The following SIAH3 variants were observed in gnomAD, a reference collection of about 807,000 sequenced individuals.
SIAH3 encodes siah E3 ubiquitin protein ligase family member 3.
Under a neutral mutation model 12.6 loss-of-function variants are expected in SIAH3, and 9 were observed. The ratio of observed to expected loss-of-function variants is 0.72; its 90% CI spans 0.43 to 1.25. The LOEUF is 1.25. Among genes scored for constraint, SIAH3 ranks in the 50% most tolerant of loss-of-function variants. The probability of loss-of-function intolerance (pLI) is 0.00; values close to 1 mark genes in which losing one functional copy is unlikely to be tolerated. For synonymous variants in SIAH3, 154 were observed against 151.1 expected, an observed-to-expected ratio of 1.02 and a Z score of -0.14; for missense variants, 390 against 365.4, an observed-to-expected ratio of 1.07 and a Z score of -0.55.
At chr13:45,789,809 AC>A (rs1398300722) in intron 1 of SIAH3, among the ~76,000 whole-genome samples, 1 of 152,202 alleles carries the variant, frequency 6.6e-6, no homozygotes, top group Non-Finnish European at 1.5e-5. Flanking sequence ...AAAAGTCCAT[AC>A]CTGAGCTAAT....
rs58735572 is a variant in SIAH3 at position 45,822,556 on chromosome 13, T to TATATATATATATATA, written c.135+28938_135+28939insTATATATATATATAT. On this transcript the variant is annotated intron_variant, in intron 1 of 1. Transcript: ENST00000400405. ...ATATATATATATATATATATATATA[T>TATATATATATATATA]TAGACTAGGGAACAGGCAAAAATGG... Among the ~76,000 whole-genome samples the TATATATATATATATA allele has an allele frequency of 4.1e-3, 560 of 136,672 alleles. 2 individuals carry two copies. Among genetic ancestry groups the TATATATATATATATA allele is most frequent in the Non-Finnish European group, 4.8e-3 (304 of 63,328 alleles). 89.7% of individuals were successfully genotyped at this position (136,672 alleles called of 152,430 possible).
rs183838539 is a variant in SIAH3, at chr13:45,791,521, A to G, written c.136-7464T>C. 3.9e-5 allele frequency among the ~76,000 whole-genome samples: 6 copies of G among 152,206 alleles called. No homozygotes were observed. The East Asian group carries it at 1.2e-3, about 29-fold the overall frequency. On this transcript the variant is annotated intron_variant, in intron 1 of 1. Coordinates refer to ENST00000400405, the MANE Select transcript of SIAH3 (RefSeq NM_198849.3). ...AATATGGTGTGTGTGTGTGTGGCCA[A>G]GTGTCCACGGCTGTGAGCTCCTCAG... is the stretch of plus-strand genomic sequence containing the variant.
rs1950511859 is a variant in SIAH3, at chr13:45,783,269, TTAAAAAA to T, written c.*107_*113del. On this transcript the variant is annotated 3_prime_UTR_variant, in exon 2 of 2. Transcript: ENST00000400405. ...ACAAAAAAATAATAATAATTAAAAA[TTAAAAAA>T]AAAAAAAAGAAAGGAGAAGAATAAA... 4 of 646,838 alleles carry T rather than the reference TTAAAAAA, an allele frequency of 6.2e-6. No individual in the cohort carries two copies. In the South Asian group the frequency reaches 2.3e-4, roughly 37 times the overall value. 40.1% of individuals were successfully genotyped at this position (646,838 alleles called of 1,614,324 possible).
chr13:45,789,919 T>C (rs1459745350), intron 1 of SIAH3, among the ~76,000 whole-genome samples: 2 of 152,206 alleles, frequency 1.3e-5, no homozygotes, highest in Admixed American at 1.3e-4. Flanking sequence ...ATTAGTAGTT[T>C]GTTAATCAGC....
intron 1 of SIAH3, among the ~76,000 whole-genome samples, chr13:45,818,148 A>C (rs2008621258): frequency 6.6e-6 from 1 of 152,124 alleles, no homozygotes; most frequent in African/African-American, 2.4e-5. Context: ...CCCCAGGGAG[A>C]CTGCAGCCCA....
At chr13:45,794,377 T>G (rs1050347875) in intron 1 of SIAH3, among the ~76,000 whole-genome samples, 1 of 152,170 alleles carries the variant, frequency 6.6e-6, no homozygotes, top group African/African-American at 2.4e-5. Context: ...CGTTGTATAG[T>G]GCTTAGTCCA....
chr13:45,817,417 A>G (rs1204803500), intron 1 of SIAH3, among the ~76,000 whole-genome samples: 2 of 152,224 alleles, frequency 1.3e-5, no homozygotes, highest in African/African-American at 4.8e-5. Flanking sequence ...TTGCCTACTG[A>G]TGCATTTCTC....
intron 1 of SIAH3, among the ~76,000 whole-genome samples, chr13:45,807,005 G>T (rs1803751164): frequency 6.6e-6 from 1 of 152,064 alleles, no homozygotes; most frequent in African/African-American, 2.4e-5. Flanking sequence ...AAAATTTGAA[G>T]AATTCAGTAA....
At chr13:45,829,674 G>A (rs1393673519) in intron 1 of SIAH3, among the ~76,000 whole-genome samples, 2 of 152,010 alleles carry the variant, frequency 1.3e-5, no homozygotes, top group Non-Finnish European at 1.5e-5. Flanking sequence ...GCAGACCTGC[G>A]CTCCCGCCCC....
At chr13:45,799,895 T>G (rs916003641) in intron 1 of SIAH3, among the ~76,000 whole-genome samples, 1 of 152,200 alleles carries the variant, frequency 6.6e-6, no homozygotes, top group African/African-American at 2.4e-5. Flanking sequence ...ATAAATCTTC[T>G]GGGGGGAAAA....
chr13:45,803,043 C>A (rs1207596512), intron 1 of SIAH3, among the ~76,000 whole-genome samples: 1 of 151,922 alleles, frequency 6.6e-6, no homozygotes, highest in Admixed American at 6.6e-5. Flanking sequence ...TGCACTCCAG[C>A]CTGGGTGACA....
intron 1 of SIAH3, among the ~76,000 whole-genome samples, chr13:45,809,821 G>A (rs1242117424): frequency 1.3e-5 from 2 of 152,118 alleles, no homozygotes; most frequent in African/African-American, 4.8e-5. Context: ...ACAGATGTCT[G>A]TACAGAATAA....
At chr13:45,790,739 G>A (rs1012779097) in intron 1 of SIAH3, among the ~76,000 whole-genome samples, 1 of 152,152 alleles carries the variant, frequency 6.6e-6, no homozygotes, top group Non-Finnish European at 1.5e-5. Context: ...CCATTCAGGT[G>A]TGCCAGCCAC....
intron 1 of SIAH3, among the ~76,000 whole-genome samples, chr13:45,832,148 C>T (rs56383712): frequency 6.6e-6 from 1 of 152,066 alleles, no homozygotes; most frequent in Non-Finnish European, 1.5e-5. Context: ...GGGGACTTGG[C>T]CTTTTTTGAT....
chr13:45,833,498 C>G (rs1229318060), intron 1 of SIAH3, among the ~76,000 whole-genome samples: 3 of 151,948 alleles, frequency 2.0e-5, no homozygotes, highest in Non-Finnish European at 1.5e-5. Flanking sequence ...CACACGCACA[C>G]ACACACACAC....
Position 45,785,092 on chromosome 13 carries a change from G to GCCC in SIAH3, c.136-1036_136-1035insGGG, listed in dbSNP as rs1355343631. ...GAGCCTGCAAAACTGGTAAGTGAAA[G>GCCC]ACTGGGATTCATCTTCACGCCCCCT... On this transcript the variant is annotated intron_variant, in intron 1 of 1. Transcript: ENST00000400405. 7.2e-5 allele frequency among the ~76,000 whole-genome samples: 11 copies of GCCC among 152,312 alleles called. No individual in the cohort carries two copies. In the East Asian group the frequency reaches 2.1e-3, roughly 29 times the overall value.
Position 45,791,944 on chromosome 13 carries a change from C to G in SIAH3, c.136-7887G>C, listed in dbSNP as rs760917099. ...TTATCCATTTTCTGTTAACAATCAC[C>G]AGGAGGTAACTTTAACCCAATCAAA... is the stretch of plus-strand genomic sequence containing the variant. On this transcript the variant is annotated intron_variant, in intron 1 of 1. Transcript: ENST00000400405. 6.2e-4 allele frequency among the ~76,000 whole-genome samples: 95 copies of G among 152,102 alleles called. 2 individuals are homozygous for G. Among genetic ancestry groups the G allele is most frequent in the Non-Finnish European group, 1.5e-4 (10 of 68,014 alleles).
intron 1 of SIAH3, among the ~76,000 whole-genome samples, chr13:45,834,765 C>T (rs1014133527): frequency 6.6e-6 from 1 of 152,146 alleles, no homozygotes; most frequent in African/African-American, 2.4e-5. Flanking sequence ...GGAGGTGATG[C>T]AGGAGGAACT....
At chr13:45,832,482 A>G (rs1316020378) in intron 1 of SIAH3, among the ~76,000 whole-genome samples, 3 of 152,330 alleles carry the variant, frequency 2.0e-5, no homozygotes, top group African/African-American at 7.2e-5. Context: ...TTCATTGAAC[A>G]TAATGTTTTC....
Sources: allele counts gnomAD v4.1 joint callset (sites outside exome capture counted in the v4.1 genomes callset), GRCh38; gene constraint gnomAD v4.1.1; transcripts MANE v1.5; gene names NCBI Gene and HGNC (gene_info 2026-07-23, HGNC 2026-07-21).